The following FGF10 variants were observed in gnomAD, a reference collection of about 807,000 sequenced individuals.
FGF10 encodes the protein FGF-10.
FGF10 carries 2 observed loss-of-function variants against 19.8 expected under a neutral mutation model. The observed-to-expected ratio is 0.10, with a 90% confidence interval of 0.04 to 0.32. The LOEUF (loss-of-function observed/expected upper bound fraction) is 0.32, where lower values mean the gene tolerates loss of function less well. Among genes scored for constraint, FGF10 ranks in the 10% least tolerant of loss-of-function variants. The pLI, the probability that FGF10 is intolerant of heterozygous loss-of-function variation, is 1.00. For synonymous variants in FGF10, 112 were observed against 94.0 expected, an observed-to-expected ratio of 1.19 and a Z score of -1.10; for missense variants, 191 against 246.3, an observed-to-expected ratio of 0.78 and a Z score of 1.50.
At chr5:44,378,410 A>G (rs1255569473) in intron 1 of FGF10, among the ~76,000 whole-genome samples, 1 of 152,190 alleles carries the variant, frequency 6.6e-6, no homozygotes, top group Non-Finnish European at 1.5e-5. Context: ...AACAGTATGA[A>G]TATTACAATT....
rs1739943540 is a variant in FGF10 at position 44,300,331 on chromosome 5, A to G, written c.*4664T>C. Among the ~76,000 whole-genome samples the G allele has an allele frequency of 6.6e-6, 1 of 152,064 alleles. No homozygotes were observed. Among genetic ancestry groups the G allele is most frequent in the Non-Finnish European group, 1.5e-5 (1 of 68,008 alleles). On this transcript the variant is annotated 3_prime_UTR_variant, in exon 3 of 3. Transcript: ENST00000264664. ...TTTTTTCTATATGTCGATACACTTG[A>G]AAATACTAGCACATACTCTTGGGAT...
chr5:44,312,216 ACG>A (rs1491313405), intron 1 of FGF10, among the ~76,000 whole-genome samples: 38 of 145,840 alleles, frequency 2.6e-4, no homozygotes, highest in African/African-American at 8.8e-4. Context: ...ACACACACAC[ACG>A]CACATTTATT....
At chr5:44,324,654 T>G (rs1299640690) in intron 1 of FGF10, among the ~76,000 whole-genome samples, 1 of 152,070 alleles carries the variant, frequency 6.6e-6, no homozygotes, top group Non-Finnish European at 1.5e-5. Context: ...TCAACTGAAA[T>G]AAAATAATTT....
At chr5:44,369,774 T>C (rs1036449929) in intron 1 of FGF10, among the ~76,000 whole-genome samples, 2 of 152,078 alleles carry the variant, frequency 1.3e-5, no homozygotes, top group Non-Finnish European at 2.9e-5. Context: ...ACTTTAAAAA[T>C]TACCCCCTTT....
chr5:44,349,473 A>AATATATATATATCAGAAT (rs1741185549), intron 1 of FGF10, among the ~76,000 whole-genome samples: 9 of 23,216 alleles, frequency 3.9e-4, no homozygotes, highest in Non-Finnish European at 7.1e-4. Context: ...TATATATCAG[A>AATATATATATATCAGAAT]ATATATATAT....
intron 1 of FGF10, among the ~76,000 whole-genome samples, chr5:44,320,936 CCT>C (rs1450222037): frequency 6.6e-6 from 1 of 151,902 alleles, no homozygotes; most frequent in Non-Finnish European, 1.5e-5. Context: ...GTCTCAAACT[CCT>C]GGCCTCAAGC....
chr5:44,353,169 T>C (rs1741272996), intron 1 of FGF10, among the ~76,000 whole-genome samples: 1 of 151,622 alleles, frequency 6.6e-6, no homozygotes, highest in Admixed American at 6.6e-5. Flanking sequence ...ACTTTCTTCT[T>C]AGTTAATATT....
chr5:44,323,802 TAAA>T (rs1414830124), intron 1 of FGF10, among the ~76,000 whole-genome samples: 1 of 152,140 alleles, frequency 6.6e-6, no homozygotes, highest in East Asian at 1.9e-4. Context: ...TACATTGTTT[TAAA>T]GTAGTATGTT....
intron 1 of FGF10, among the ~76,000 whole-genome samples, chr5:44,365,675 G>C (rs1002866428): frequency 6.6e-6 from 1 of 151,960 alleles, no homozygotes; most frequent in African/African-American, 2.4e-5. Context: ...CTTTGCCACT[G>C]AAGTCCTTGA....
rs1301384344 is a variant in FGF10, at chr5:44,389,354, C to T, written c.-672G>A. 6.4e-6 allele frequency: 1 copy of T among 156,978 alleles called. No homozygotes were observed. The highest frequency in any genetic ancestry group is 1.9e-4 in the East Asian group (1 of 5,320). The allele number at this position is 156,978 out of a possible 1,614,324, so 9.7% of individuals were successfully genotyped here. A position where few individuals can be genotyped will look rare whatever the true frequency, so the allele number is the denominator to read the frequency against. The stretch of plus-strand genomic sequence containing the variant: ...ACGGCGGCTGGTGTTTTGTATGGCC[C>T]TATCTCCCACCCCCTTCCTTTGGAA... On this transcript the variant is annotated 5_prime_UTR_variant, in exon 1 of 3. Coordinates refer to ENST00000264664, the MANE Select transcript of FGF10 (RefSeq NM_004465.2).
At chr5:44,336,953 T>C (rs778342734) in intron 1 of FGF10, among the ~76,000 whole-genome samples, 1 of 151,948 alleles carries the variant, frequency 6.6e-6, no homozygotes, top group Non-Finnish European at 1.5e-5. Flanking sequence ...AACCTGAAAA[T>C]AACCAAAGAT....
intron 1 of FGF10, among the ~76,000 whole-genome samples, chr5:44,358,546 A>G (rs1741401927): frequency 6.6e-6 from 1 of 151,518 alleles, no homozygotes; most frequent in Non-Finnish European, 1.5e-5. Context: ...TTGCTCTGCT[A>G]ATAAAGGTCT....
chr5:44,388,130 G>T (rs1206963892), intron 1 of FGF10, among the ~76,000 whole-genome samples: 1 of 151,880 alleles, frequency 6.6e-6, no homozygotes, highest in Non-Finnish European at 1.5e-5. Context: ...TGGGTAGAGC[G>T]GCAAGGGGTG....
In FGF10 at chr5:44,302,706, G is replaced by C. The variant is rs2111657588; in HGVS notation, c.*2289C>G. On this transcript the variant is annotated 3_prime_UTR_variant, in exon 3 of 3. Transcript: ENST00000264664. ...GTGAGGGAAATGTGGGAGAGACAGG[G>C]AGATGTTTTCTATTTTTGGCCTCTG... Among the ~76,000 whole-genome samples, 1 of 152,216 alleles carries C rather than the reference G, an allele frequency of 6.6e-6. No homozygotes were observed. Among genetic ancestry groups the C allele is most frequent in the South Asian group, 2.1e-4 (1 of 4,826 alleles).
At chr5:44,309,880 C>T (rs1561196617) in intron 2 of FGF10, among the ~76,000 whole-genome samples, 2 of 151,562 alleles carry the variant, frequency 1.3e-5, no homozygotes, top group Admixed American at 6.6e-5. Context: ...ATATTTCCCA[C>T]ATATATATAT....
At chr5:44,387,597 C>T (rs1742132802) in intron 1 of FGF10, among the ~76,000 whole-genome samples, 1 of 152,108 alleles carries the variant, frequency 6.6e-6, no homozygotes, top group Admixed American at 6.5e-5. Flanking sequence ...CAACAGGACA[C>T]CACAAAGCAG....
intron 1 of FGF10, among the ~76,000 whole-genome samples, chr5:44,350,664 G>T (rs1741211890): frequency 6.7e-6 from 1 of 150,208 alleles, no homozygotes; most frequent in Admixed American, 6.6e-5. Context: ...TTATTTTAAA[G>T]AAATGTATCC....
chr5:44,312,297 T>C (rs910873069), intron 1 of FGF10, among the ~76,000 whole-genome samples: 1 of 151,928 alleles, frequency 6.6e-6, no homozygotes, highest in Non-Finnish European at 1.5e-5. Context: ...TTAGTCTCGA[T>C]TACAAATATA....
intron 1 of FGF10, among the ~76,000 whole-genome samples, chr5:44,349,473 A>AATAT (rs1232625126): frequency 0.029 from 675 of 23,084 alleles, 28 homozygotes; most frequent in Middle Eastern, 0.077. Flanking sequence ...TATATATCAG[A>AATAT]ATATATATAT....
Sources: allele counts gnomAD v4.1 joint callset (sites outside exome capture counted in the v4.1 genomes callset), GRCh38; gene constraint gnomAD v4.1.1; transcripts MANE v1.5; gene names NCBI Gene and HGNC (gene_info 2026-07-23, HGNC 2026-07-21).